Variants in SHOC1 observed in about 807,000 individuals in gnomAD.
SHOC1 encodes shortage in chiasmata 1, also known as protein shortage in chiasmata 1 ortholog.
A neutral mutation model predicts 179.2 loss-of-function variants in SHOC1; 136 were observed. The observed-to-expected ratio is 0.76, with a 90% CI of 0.66 to 0.87. The LOEUF is 0.87. Among genes scored for constraint, SHOC1 ranks in the 40% least tolerant of loss-of-function variants. The pLI, the probability that SHOC1 is intolerant of heterozygous loss-of-function variation, is 0.00. For missense variants in SHOC1, 1,538 were observed against 1,700.8 expected, an observed-to-expected ratio of 0.90 and a Z score of 1.68; for synonymous variants, 489 against 586.6, an observed-to-expected ratio of 0.83 and a Z score of 2.41.
chr9:111,719,541 A>T (rs746912882), intron 15 of SHOC1, among the ~76,000 whole-genome samples: 1 of 152,174 alleles, frequency 6.6e-6, no homozygotes, highest in Non-Finnish European at 1.5e-5. Flanking sequence ...GACTGAAACT[A>T]TATCCAGAAG....
chr9:111,783,204 T>A (rs1836138269), intron 3 of SHOC1, among the ~76,000 whole-genome samples: 1 of 152,254 alleles, frequency 6.6e-6, no homozygotes, highest in African/African-American at 2.4e-5. Context: ...TTAAAAATTT[T>A]TCTTCATAGC....
At chr9:111,765,118 G>A (rs1461595920) in intron 5 of SHOC1, among the ~76,000 whole-genome samples, 3 of 150,152 alleles carry the variant, frequency 2.0e-5, no homozygotes, top group Non-Finnish European at 3.0e-5. Context: ...TCCAGCCTGG[G>A]CAACAGAGCA....
At chr9:111,759,155 C>T (rs1835018951) in intron 5 of SHOC1, 5 of 1,604,078 alleles carry the variant, frequency 3.1e-6, no homozygotes, top group South Asian at 1.1e-5. Context: ...TATGGACTTA[C>T]ACTTCAAAAT....
At position 111,692,243 on chromosome 9, in the gene SHOC1, G is replaced by A; in HGVS notation, c.3734C>T (p.Pro1245Leu). The A allele has an allele frequency of 1.2e-6, 2 of 1,613,654 alleles. No homozygotes were observed. Among genetic ancestry groups the A allele is most frequent in the Non-Finnish European group, 1.7e-6 (2 of 1,179,610 alleles). ...ELKEISSFLP[P>L]VTSYNQTSYW... ...GCTGGTCTGATTGTATGAAGTCACA[G>A]GTGGTAAAAAACTTGAGATTTCTTT... Residue 1245 changes from proline to leucine, a missense_variant, in exon 27 of 28, where the codon CCT becomes CTT. By Grantham distance (98) the Pro-to-Leu change is moderately conservative. Transcript: ENST00000682961.
At chr9:111,793,959 C>G (rs1180148626) in intron 1 of SHOC1, among the ~76,000 whole-genome samples, 1 of 152,090 alleles carries the variant, frequency 6.6e-6, no homozygotes, top group South Asian at 2.1e-4. Flanking sequence ...TCAAGCGATT[C>G]TCCTGCCTCA....
intron 2 of SHOC1, among the ~76,000 whole-genome samples, chr9:111,787,219 G>A (rs1589481192): frequency 1.3e-5 from 2 of 152,318 alleles, no homozygotes; most frequent in East Asian, 3.9e-4. Flanking sequence ...GGATCAAGGA[G>A]TCATTTCAAC....
intron 16 of SHOC1, among the ~76,000 whole-genome samples, chr9:111,717,652 T>C (rs1832856459): frequency 6.6e-6 from 1 of 151,728 alleles, no homozygotes; most frequent in Non-Finnish European, 1.5e-5. Context: ...AGCAGTAATG[T>C]AGTAAGACAG....
intron 26 of SHOC1, 37 bp from the exon 27 acceptor site, chr9:111,692,548 A>G: frequency 7.0e-7 from 1 of 1,434,580 alleles, no homozygotes; most frequent in Non-Finnish European, 9.4e-7. Flanking sequence ...ATGTCAGTTT[A>G]GTAAATATAA....
intron 13 of SHOC1, among the ~76,000 whole-genome samples, chr9:111,726,814 T>G (rs944252143): frequency 5.9e-5 from 9 of 152,202 alleles, no homozygotes; most frequent in African/African-American, 2.2e-4. Flanking sequence ...GTAAAAGTGC[T>G]TTATAAAGCA....
chr9:111,741,360 C>T (rs1053888165), intron 11 of SHOC1, 116 bp downstream of exon 11: 7 of 561,482 alleles, frequency 1.2e-5, no homozygotes, highest in South Asian at 1.1e-4. Flanking sequence ...TAGCTTTAGG[C>T]GAAGTTATAT....
chr9:111,722,648 C>G (rs889369851), intron 14 of SHOC1, 63 bp from the exon 15 acceptor site: 1 of 1,366,348 alleles, frequency 7.3e-7, no homozygotes, highest in Non-Finnish European at 1.0e-6. Context: ...TTTTGATGAA[C>G]CAATTAAATG....
At chr9:111,765,098 G>A (rs1322609830) in intron 5 of SHOC1, among the ~76,000 whole-genome samples, 5 of 148,658 alleles carry the variant, frequency 3.4e-5, no homozygotes, top group Admixed American at 6.7e-5. Context: ...CCGAGATCAC[G>A]CCACTGCACT....
intron 11 of SHOC1, among the ~76,000 whole-genome samples, chr9:111,740,842 G>T (rs1272328201): frequency 2.0e-5 from 3 of 152,210 alleles, no homozygotes; most frequent in African/African-American, 7.2e-5. Context: ...AAAGTGCTGG[G>T]ATTACAAGTG....
rs74308687 is a variant in SHOC1, at chr9:111,754,429, G to A, written c.862+1896C>T. On this transcript the variant is annotated intron_variant, in intron 8 of 27. Coordinates refer to ENST00000682961, the MANE Select transcript of SHOC1 (RefSeq NM_001378211.1). ...ACAATGAGATATCACTTCACACCTA[G>A]TAGGATGGCGATAAAAAAGTTATAT... is the stretch of plus-strand genomic sequence containing the variant. 5.0e-4 allele frequency among the ~76,000 whole-genome samples: 76 copies of A among 152,262 alleles called. 3 individuals carry two copies. In the East Asian group the frequency reaches 0.013, roughly 27 times the overall value.
chr9:111,698,018 G>T (rs1356825849), intron 24 of SHOC1, among the ~76,000 whole-genome samples: 11 of 152,144 alleles, frequency 7.2e-5, no homozygotes, highest in African/African-American at 2.7e-4. Context: ...CATATCTGTT[G>T]CCCACTTTTT....
In SHOC1 at chr9:111,791,420, T is replaced by C. The variant is rs962574675; in HGVS notation, c.-2A>G. The C allele has an allele frequency of 1.4e-6, 2 of 1,474,198 alleles. No homozygotes were observed. Among genetic ancestry groups the C allele is most frequent in the Non-Finnish European group, 1.8e-6 (2 of 1,107,996 alleles). 91.3% of individuals were successfully genotyped at this position (1,474,198 alleles called of 1,614,324 possible). A position where few individuals can be genotyped will look rare whatever the true frequency, so the allele number is the denominator to read the frequency against. On this transcript the variant is annotated 5_prime_UTR_variant, in exon 2 of 28. Transcript: ENST00000682961. ...ATGATATTTCAATGCTGAAAACATA[T>C]CTTCTTTCTTTCAAAGCAGTGTAAA...
chr9:111,741,086 C>T (rs7033004), intron 11 of SHOC1, among the ~76,000 whole-genome samples: 8,440 of 152,182 alleles, frequency 0.055, 583 homozygotes, highest in African/African-American at 0.16. Flanking sequence ...TGTTTTTAAA[C>T]GTCTTTTTTG....
intron 4 of SHOC1, among the ~76,000 whole-genome samples, chr9:111,779,078 G>A (rs1181034081): frequency 1.4e-4 from 20 of 144,670 alleles, no homozygotes; most frequent in East Asian, 1.0e-3. Context: ...CAGCCTAGGC[G>A]ACAGAGCGAG....
chr9:111,774,375 T>G (rs145036028), intron 5 of SHOC1, among the ~76,000 whole-genome samples: 8 of 152,202 alleles, frequency 5.3e-5, no homozygotes, highest in African/African-American at 1.7e-4. Flanking sequence ...CATGGCTTAC[T>G]ACAGCCTTGA....
Sources: gnomAD v4.1 joint callset for allele counts (sites outside exome capture counted in the v4.1 genomes callset) on GRCh38, gnomAD v4.1.1 for gene constraint, MANE v1.5 for transcripts, NCBI Gene and HGNC (gene_info 2026-07-23, HGNC 2026-07-21) for gene names.